ZNF804B: variants seen among roughly 807,000 people sequenced by gnomAD.
The protein encoded by ZNF804B is zinc finger protein 804B.
ZNF804B carries 80 observed loss-of-function variants against 101.4 expected under a neutral mutation model. The ratio of observed to expected loss-of-function variants is 0.79; its 90% CI spans 0.66 to 0.95. The LOEUF is 0.95. Among genes scored for constraint, ZNF804B ranks in the 40% least tolerant of loss-of-function variants. ZNF804B has a pLI of 0.00. For synonymous variants in ZNF804B, 622 were observed against 558.8 expected (o/e 1.11, Z -1.59); for missense variants, 1,673 against 1,561.9 (o/e 1.07, Z -1.20).
intron 2 of ZNF804B, among the ~76,000 whole-genome samples, chr7:89,287,077 T>C (rs925956989): frequency 6.6e-6 from 1 of 152,194 alleles, no homozygotes; most frequent in Non-Finnish European, 1.5e-5. Flanking sequence ...AAATATATTT[T>C]ATTTTTCTTA....
intron 1 of ZNF804B, among the ~76,000 whole-genome samples, chr7:88,862,823 T>G (rs1042724683): frequency 6.6e-6 from 1 of 152,132 alleles, no homozygotes; most frequent in African/African-American, 2.4e-5. Context: ...TTCACACTAA[T>G]TATACTATTC....
intron 1 of ZNF804B, among the ~76,000 whole-genome samples, chr7:88,927,026 T>C (rs890268671): frequency 4.0e-5 from 6 of 151,760 alleles, no homozygotes; most frequent in Non-Finnish European, 7.4e-5. Context: ...CGCATACATT[T>C]TGGGGACTTA....
At chr7:89,008,866 A>G (rs1012685155) in intron 1 of ZNF804B, among the ~76,000 whole-genome samples, 14 of 152,130 alleles carry the variant, frequency 9.2e-5, no homozygotes, top group African/African-American at 3.1e-4. Context: ...CTCTGTCTTA[A>G]GTAACTTTCA....
chr7:88,969,000 T>G (rs1458607687), intron 1 of ZNF804B, among the ~76,000 whole-genome samples: 1 of 151,580 alleles, frequency 6.6e-6, no homozygotes, highest in Non-Finnish European at 1.5e-5. Context: ...AAGTAATTAC[T>G]TTCTCTCTGT....
At chr7:89,018,833 G>T (rs1788613725) in intron 1 of ZNF804B, among the ~76,000 whole-genome samples, 1 of 151,998 alleles carries the variant, frequency 6.6e-6, no homozygotes, top group Non-Finnish European at 1.5e-5. Context: ...TGTTCTATCA[G>T]TTGTAATGTC....
At chr7:89,231,092 G>A (rs1025537167) in intron 2 of ZNF804B, among the ~76,000 whole-genome samples, 1 of 151,874 alleles carries the variant, frequency 6.6e-6, no homozygotes, top group African/African-American at 2.4e-5. Flanking sequence ...TCCTAATATA[G>A]GTCTATGATC....
chr7:89,303,029 G>T (rs1203116246), intron 2 of ZNF804B, among the ~76,000 whole-genome samples: 2 of 151,854 alleles, frequency 1.3e-5, no homozygotes, highest in Non-Finnish European at 2.9e-5. Context: ...GAGATCCTGG[G>T]CTGGGAATTA....
At position 89,035,873 on chromosome 7, in the gene ZNF804B, T is replaced by G. The variant is rs190973881; in HGVS notation, c.109-182282T>G. Among the ~76,000 whole-genome samples, 17 of 146,326 alleles carry G rather than the reference T, an allele frequency of 1.2e-4. No individual in the cohort carries two copies. In the East Asian group the frequency reaches 3.3e-3, roughly 29 times the overall value. On this transcript the variant is annotated intron_variant, in intron 1 of 3. Coordinates refer to ENST00000333190, the MANE Select transcript of ZNF804B (RefSeq NM_181646.5). ...AGTCATTCCAAATATATATATTATA[T>G]TATATATTCATATACATTATATTAT...
chr7:88,785,851 T>C (rs1166549921), intron 1 of ZNF804B, among the ~76,000 whole-genome samples: 1 of 152,188 alleles, frequency 6.6e-6, no homozygotes, highest in Admixed American at 6.5e-5. Context: ...TTACTTCTAT[T>C]TAACTTTCAG....
chr7:88,916,170 AT>A (rs1162640616), intron 1 of ZNF804B, among the ~76,000 whole-genome samples: 1 of 152,024 alleles, frequency 6.6e-6, no homozygotes, highest in Non-Finnish European at 1.5e-5. Context: ...CTGAATTTAC[AT>A]TTTCCATTAT....
rs571636729 is a variant in ZNF804B at position 88,867,720 on chromosome 7, C to A, written c.108+107636C>A. On this transcript the variant is annotated intron_variant, in intron 1 of 3. Coordinates refer to ENST00000333190, the MANE Select transcript of ZNF804B (RefSeq NM_181646.5). ...ATGTTGAAAATAATGTTAGTAATAA[C>A]AATAACAATAAAAAAGCACATTTTA... 2.2e-4 allele frequency among the ~76,000 whole-genome samples: 33 copies of A among 152,242 alleles called. No homozygotes were observed. The South Asian group carries it at 6.8e-3, about 32-fold the overall frequency.
At chr7:89,139,464 C>T (rs1357618873) in intron 1 of ZNF804B, among the ~76,000 whole-genome samples, 1 of 152,106 alleles carries the variant, frequency 6.6e-6, no homozygotes, top group African/African-American at 2.4e-5. Flanking sequence ...GATAGCATTT[C>T]ATCCACAGCA....
intron 1 of ZNF804B, among the ~76,000 whole-genome samples, chr7:89,001,059 T>A (rs574338507): frequency 2.0e-4 from 30 of 147,430 alleles, no homozygotes; most frequent in Non-Finnish European, 2.7e-4. Flanking sequence ...GGGGTGGGGA[T>A]GGGGTTGGAA....
rs574594336 is a variant in ZNF804B at position 88,993,327 on chromosome 7, T to G, written c.109-224828T>G. 1.0e-3 allele frequency among the ~76,000 whole-genome samples: 153 copies of G among 152,174 alleles called. 1 individual carries two copies. Among genetic ancestry groups the G allele is most frequent in the African/African-American group, 3.5e-3 (145 of 41,584 alleles). On this transcript the variant is annotated intron_variant, in intron 1 of 3. Coordinates refer to ENST00000333190, the MANE Select transcript of ZNF804B (RefSeq NM_181646.5). ...TGAGAATGTTGAAGTCTAGAAAATT[T>G]AAGCCAGATTATGTTGACGTTTTAC...
At chr7:88,979,904 C>CTATTCT (rs557651279) in intron 1 of ZNF804B, among the ~76,000 whole-genome samples, 1 of 147,932 alleles carries the variant, frequency 6.8e-6, no homozygotes, top group African/African-American at 2.5e-5. Flanking sequence ...TCATTCTTTT[C>CTATTCT]TTTTTTTTTT....
At chr7:89,220,956 T>C (rs746501325) in intron 2 of ZNF804B, among the ~76,000 whole-genome samples, 35 of 152,014 alleles carry the variant, frequency 2.3e-4, no homozygotes, top group Non-Finnish European at 4.0e-4. Flanking sequence ...TTTTTATGGA[T>C]AGAGATTTGG....
At position 89,280,158 on chromosome 7, in the gene ZNF804B, A is replaced by G. The variant is rs1042234221; in HGVS notation, c.250-47186A>G. On this transcript the variant is annotated intron_variant, in intron 2 of 3. Coordinates refer to ENST00000333190, the MANE Select transcript of ZNF804B (RefSeq NM_181646.5). Reference sequence around the variant, plus strand: ...CTGAACAACCTGCTCCTGAAAGACTACTGGGTACATAACGAAATGAAGGCA... The same window carrying G: ...CTGAACAACCTGCTCCTGAAAGACTGCTGGGTACATAACGAAATGAAGGCA... 6.6e-5 allele frequency among the ~76,000 whole-genome samples: 10 copies of G among 152,222 alleles called. 1 individual carries two copies. The highest frequency in any genetic ancestry group is 1.3e-4 in the Non-Finnish European group (9 of 68,050).
At chr7:89,218,443 G>C in intron 2 of ZNF804B, 148 bp downstream of exon 2, 2 of 941,380 alleles carry the variant, frequency 2.1e-6, no homozygotes, top group Non-Finnish European at 3.1e-6. Flanking sequence ...GTTGTGTTTT[G>C]TGTTTAAATG....
chr7:88,959,972 A>T (rs1203957341), intron 1 of ZNF804B, among the ~76,000 whole-genome samples: 1 of 151,382 alleles, frequency 6.6e-6, no homozygotes, highest in Non-Finnish European at 1.5e-5. Context: ...CTCCTTGTAC[A>T]CAAAAATTAG....
Sources: allele counts gnomAD v4.1 joint callset (sites outside exome capture counted in the v4.1 genomes callset), GRCh38; gene constraint gnomAD v4.1.1; transcripts MANE v1.5; gene names NCBI Gene and HGNC (gene_info 2026-07-23, HGNC 2026-07-21).